Variants in GK observed in about 807,000 individuals in gnomAD.
GK encodes the protein glycerol kinase.
GK carries 9 observed loss-of-function variants against 56.4 expected under a neutral mutation model. That is an observed-to-expected ratio of 0.16 (90% CI 0.10 to 0.28). The LOEUF is 0.28. Ranked by LOEUF, GK falls within the 10% of genes least tolerant of loss-of-function variation. The pLI, the probability that GK is intolerant of heterozygous loss-of-function variation, is 1.00. For missense variants in GK, 161 were observed against 431.4 expected (o/e 0.37, Z 5.55); for synonymous variants, 104 against 144.1 (o/e 0.72, Z 1.99).
At chrX:30,716,519 A>G (rs1936632703) in intron 13 of GK, among the ~76,000 whole-genome samples, 1 of 112,116 alleles carries the variant, frequency 8.9e-6, no homozygotes, top group Admixed American at 9.5e-5. Context: ...GGTTAAATAA[A>G]ATATTAATTT....
chrX:30,705,841 T>G (rs1432769872), intron 11 of GK, among the ~76,000 whole-genome samples: 8 of 112,370 alleles, frequency 7.1e-5, no homozygotes, highest in Non-Finnish European at 1.5e-4. Flanking sequence ...TTATTAAGTA[T>G]ACTCACTTAA....
intron 1 of GK, among the ~76,000 whole-genome samples, chrX:30,656,776 G>A (rs1010906074): frequency 8.9e-6 from 1 of 112,746 alleles, no homozygotes; most frequent in African/African-American, 3.2e-5. Context: ...CTTAAAGACT[G>A]TTCAGAGAGT....
intron 3 of GK, among the ~76,000 whole-genome samples, chrX:30,670,210 C>T (rs189056756): frequency 3.6e-5 from 4 of 111,979 alleles, no homozygotes; most frequent in South Asian, 7.4e-4. Flanking sequence ...TTACCAAAGA[C>T]GTAAGTAATC....
chrX:30,710,080 G>A lies in GK; in HGVS notation c.975+1946G>A, dbSNP rs772919765. On this transcript the variant is annotated intron_variant, in intron 13 of 20. Transcript: ENST00000427190. ...TAGAATTGTAAAAGCTCAGAGAGAC[G>A]CTAGATCATATGACAATATACCCTC... 1.3e-4 allele frequency among the ~76,000 whole-genome samples: 15 copies of A among 111,895 alleles called. No homozygotes were observed. The South Asian group carries it at 2.3e-3, about 17-fold the overall frequency.
rs1937292498 is a variant in GK, at chrX:30,730,068, T to G, written c.*1326T>G. 1 of 112,265 alleles carries G rather than the reference T, an allele frequency of 8.9e-6. No homozygotes were observed. The highest frequency in any genetic ancestry group is 9.5e-5 in the Admixed American group (1 of 10,497). The allele number at this position is 112,265 out of a possible 1,213,427, so 9.3% of individuals were successfully genotyped here. ...GTTTATCATTACAAATACCTTCCAA[T>G]GAAACCAAGAATTTCTCAAAATATT... On this transcript the variant is annotated 3_prime_UTR_variant, in exon 21 of 21. Transcript: ENST00000427190.
rs139652893 is a variant in GK, at chrX:30,719,477, G to A, written c.1113G>A (p.Ser371=). ...SYGCYFVPAF[S]GLYAPYWEPS... ...GCTGCTACTTCGTCCCAGCATTTTCGGGGTTATATGCACCTTATTGGGAGC... is the reference window on the plus strand; with the variant it reads ...GCTGCTACTTCGTCCCAGCATTTTCAGGGTTATATGCACCTTATTGGGAGC... Residue 371 remains serine, a synonymous_variant, in exon 15 of 21, where the codon TCG becomes TCA. Transcript: ENST00000427190. The A allele has an allele frequency of 2.8e-4, 335 of 1,184,873 alleles. 2 individuals carry two copies. The African/African-American group carries it at 5.0e-3, about 18-fold the overall frequency.
intron 4 of GK, among the ~76,000 whole-genome samples, chrX:30,680,960 T>C (rs1934249800): frequency 1.8e-5 from 2 of 112,082 alleles, no homozygotes; most frequent in South Asian, 7.4e-4. Context: ...ATTAAGATGA[T>C]CTGAGATTGC....
intron 10 of GK, 51 bp from the exon 11 acceptor site, chrX:30,700,787 G>C (rs1935609598): frequency 1.3e-6 from 1 of 795,227 alleles, no homozygotes. Flanking sequence ...TAAAAAGAAA[G>C]TTAATACTAT....
In GK at chrX:30,668,008, A is replaced by C; in HGVS notation, c.153-4A>C. The C allele has an allele frequency of 1.0e-6, 1 of 1,004,943 alleles. No individual in the cohort carries two copies. The highest frequency in any genetic ancestry group is 1.4e-6 in the Non-Finnish European group (1 of 706,823). The allele number at this position is 1,004,943 out of a possible 1,213,427, so 82.8% of individuals were successfully genotyped here. ...ACTAACCAAATGCCTTCTTTTGTTCAAAGATGGGTGGAACAGGACCCTAAG... is the reference window on the plus strand; with the variant it reads ...ACTAACCAAATGCCTTCTTTTGTTCCAAGATGGGTGGAACAGGACCCTAAG... On this transcript the variant is annotated splice_region_variant and splice_polypyrimidine_tract_variant and intron_variant, in intron 2 of 20. Coordinates refer to ENST00000427190, the MANE Select transcript of GK (RefSeq NM_001205019.2).
intron 4 of GK, among the ~76,000 whole-genome samples, chrX:30,681,730 C>T (rs1934286006): frequency 1.8e-5 from 2 of 111,576 alleles, no homozygotes; most frequent in African/African-American, 6.5e-5. Context: ...AAAAGAGTGA[C>T]CCTAAGACTT....
intron 1 of GK, among the ~76,000 whole-genome samples, chrX:30,662,809 TTCTCTC>T (rs368743449): frequency 3.2e-4 from 20 of 62,289 alleles, no homozygotes; most frequent in African/African-American, 1.1e-3. Context: ...CCTTCCTTCC[TTCTCTC>T]TCTCTCTCTC....
At chrX:30,654,648 GGGA>G (rs1422628450) in intron 1 of GK, among the ~76,000 whole-genome samples, 1 of 110,862 alleles carries the variant, frequency 9.0e-6, no homozygotes, top group Non-Finnish European at 1.9e-5. Flanking sequence ...ACTTGGACCC[GGGA>G]GGCGGAGGTT....
rs753201928 is a variant in GK, at chrX:30,697,007, C to T, written c.729+324C>T. On this transcript the variant is annotated intron_variant, in intron 8 of 20. Coordinates refer to ENST00000427190, the MANE Select transcript of GK (RefSeq NM_001205019.2). ...GTTGTGATGTCTGCTTTTAATTTAG[C>T]GGAGAGACTCTGCATATTTAGTAGT... is the stretch of plus-strand genomic sequence containing the variant. 1.5e-4 allele frequency among the ~76,000 whole-genome samples: 17 copies of T among 112,771 alleles called. No homozygotes were observed. In the South Asian group the frequency reaches 5.7e-3, roughly 38 times the overall value.
At chrX:30,679,334 C>T (rs373375109) in intron 4 of GK, among the ~76,000 whole-genome samples, 1 of 108,221 alleles carries the variant, frequency 9.2e-6, no homozygotes, top group East Asian at 2.9e-4. Flanking sequence ...TTTCGTGCCT[C>T]GGCCTCCCAA....
intron 18 of GK, 114 bp from the exon 19 acceptor site, chrX:30,723,987 C>T: frequency 1.9e-6 from 1 of 538,087 alleles, no homozygotes; most frequent in Non-Finnish European, 3.3e-6. Flanking sequence ...AGCCCTACTG[C>T]AGTTTAATGT....
intron 1 of GK, among the ~76,000 whole-genome samples, chrX:30,655,595 G>A (rs1932208202): frequency 8.9e-6 from 1 of 112,575 alleles, no homozygotes; most frequent in Non-Finnish European, 1.9e-5. Context: ...CATGGCAGAT[G>A]TTCTCAAGTT....
intron 9 of GK, 96 bp from the exon 10 acceptor site, chrX:30,700,318 C>T: frequency 1.8e-6 from 1 of 550,135 alleles, no homozygotes; most frequent in Non-Finnish European, 3.2e-6. Flanking sequence ...CCCACATCCT[C>T]TGGCACATTG....
intron 3 of GK, among the ~76,000 whole-genome samples, chrX:30,668,339 T>TAAA (rs753031870): frequency 8.9e-6 from 1 of 112,332 alleles, no homozygotes; most frequent in East Asian, 2.8e-4. Flanking sequence ...TTTCAAATAC[T>TAAA]AAAAAGTTCC....
intron 2 of GK, 51 bp from the exon 3 acceptor site, chrX:30,667,961 G>T: frequency 1.5e-6 from 1 of 689,309 alleles, no homozygotes; most frequent in Non-Finnish European, 2.4e-6. Context: ...ATAGAAAAAA[G>T]TTATATTTGT....
Sources: allele counts gnomAD v4.1 joint callset (sites outside exome capture counted in the v4.1 genomes callset), GRCh38; gene constraint gnomAD v4.1.1; transcripts MANE v1.5; gene names NCBI Gene and HGNC (gene_info 2026-07-23, HGNC 2026-07-21).